The following ADD3 variants were observed in gnomAD, a reference collection of about 807,000 sequenced individuals.
ADD3 encodes adducin 3, also known as gamma-adducin.
In ADD3, 25 loss-of-function variants were observed where a neutral mutation model predicts 80.2. The ratio of observed to expected loss-of-function variants is 0.31; its 90% confidence interval spans 0.23 to 0.44. The LOEUF (loss-of-function observed/expected upper bound fraction) is 0.44, where lower values mean the gene tolerates loss of function less well. ADD3 is among the 20% of genes least tolerant of loss of function. The probability of loss-of-function intolerance (pLI) is 1.00; values close to 1 mark genes in which losing one functional copy is unlikely to be tolerated. For missense variants in ADD3, 829 were observed against 847.5 expected (o/e 0.98, Z 0.27); for synonymous variants, 284 against 289.6 (o/e 0.98, Z 0.20).
At chr10:110,031,860 T>G (rs1175271859) in intron 1 of ADD3, among the ~76,000 whole-genome samples, 1 of 152,160 alleles carries the variant, frequency 6.6e-6, no homozygotes, top group African/African-American at 2.4e-5. Context: ...ATATGATTTA[T>G]GAGAATGCAT....
chr10:110,121,457 T>G (rs994319782), intron 8 of ADD3, among the ~76,000 whole-genome samples: 1 of 152,006 alleles, frequency 6.6e-6, no homozygotes, highest in Non-Finnish European at 1.5e-5. Flanking sequence ...CACTCCAGCC[T>G]GGGCAACAAG....
At chr10:110,062,793 C>A (rs1859093045) in intron 1 of ADD3, among the ~76,000 whole-genome samples, 3 of 152,142 alleles carry the variant, frequency 2.0e-5, no homozygotes, top group Admixed American at 6.5e-5. Flanking sequence ...CACACTCTAC[C>A]AGATTCTTAA....
chr10:110,011,844 G>T (rs887938934), intron 1 of ADD3, among the ~76,000 whole-genome samples: 1 of 152,170 alleles, frequency 6.6e-6, no homozygotes. Context: ...AGTGTTTATA[G>T]GTGAGATTGT....
At chr10:109,997,618 C>T (rs1166252823) in intron 1 of ADD3, 1 of 152,222 alleles carries the variant, frequency 6.6e-6, no homozygotes, top group Non-Finnish European at 1.5e-5. Context: ...GATTCTTTCG[C>T]TGCTTTTCTC....
Position 110,081,100 on chromosome 10 carries a change from GGAGA to G in ADD3, c.-29-19519_-29-19516del, listed in dbSNP as rs550230246. On this transcript the variant is annotated intron_variant, in intron 1 of 14. Transcript: ENST00000356080. Reference sequence around the variant, plus strand: ...AGACATTTTCTTGGCCAATAAGGTAGGAGAGAGAGTTTGTATGTTTGTGTGGTGG... The same window carrying G: ...AGACATTTTCTTGGCCAATAAGGTAGGAGAGTTTGTATGTTTGTGTGGTGG... Among the ~76,000 whole-genome samples the G allele has an allele frequency of 3.6e-3, 542 of 152,272 alleles. 4 individuals carry two copies. Among genetic ancestry groups the G allele is most frequent in the Non-Finnish European group, 5.3e-3 (363 of 68,016 alleles).
At chr10:110,032,260 A>G (rs536651673) in intron 1 of ADD3, among the ~76,000 whole-genome samples, 49 of 152,326 alleles carry the variant, frequency 3.2e-4, no homozygotes, top group Non-Finnish European at 5.7e-4. Flanking sequence ...ACATTGTTGC[A>G]TTAAGAATGA....
At chr10:110,104,087 A>G (rs939298300) in intron 2 of ADD3, among the ~76,000 whole-genome samples, 27 of 152,214 alleles carry the variant, frequency 1.8e-4, no homozygotes, top group African/African-American at 6.3e-4. Flanking sequence ...CTGTCAATCT[A>G]TTAACCTGTG....
chr10:110,106,031 A>C (rs980599043), intron 2 of ADD3: 2 of 152,170 alleles, frequency 1.3e-5, no homozygotes, highest in Non-Finnish European at 2.9e-5. Flanking sequence ...AAATGAGTAC[A>C]TTTCTTAATG....
intron 1 of ADD3, among the ~76,000 whole-genome samples, chr10:110,062,740 C>T (rs1270485766): frequency 2.0e-5 from 3 of 152,198 alleles, no homozygotes; most frequent in South Asian, 4.1e-4. Flanking sequence ...TCTTCAATAA[C>T]GTATCAGAAA....
chr10:110,086,576 C>G (rs924681990), intron 1 of ADD3, among the ~76,000 whole-genome samples: 2 of 152,146 alleles, frequency 1.3e-5, no homozygotes, highest in Non-Finnish European at 2.9e-5. Flanking sequence ...AGTGCTATCT[C>G]ATGATAGAGT....
rs762913932 is a variant in ADD3, at chr10:110,116,403, A to G, written c.479A>G (p.Tyr160Cys). The change falls in exon 4 of 15, where the codon TAT becomes TGT. Residue 160 changes from tyrosine (Y) to cysteine (C), a missense_variant. By Grantham distance (194) the Tyr-to-Cys change is radical (BLOSUM62 -2). Coordinates refer to ENST00000356080, the MANE Select transcript of ADD3 (RefSeq NM_016824.5). Reference protein sequence around the residue: ...LFGWAHLANTYISVRISKEQD... With the variant: ...LFGWAHLANTCISVRISKEQD... ...GGATGGGCACACCTGGCAAATACCT[A>G]TATCTCAGTGAGTTCTTCAGCTTTC... The G allele has an allele frequency of 1.1e-5, 17 of 1,613,798 alleles. 2 individuals carry two copies. In the South Asian group the frequency reaches 1.9e-4, roughly 18 times the overall value.
intron 1 of ADD3, chr10:110,016,603 T>TG (rs1388777409): frequency 1.3e-5 from 2 of 152,218 alleles, no homozygotes; most frequent in African/African-American, 4.8e-5. Flanking sequence ...AGCAAACAAA[T>TG]CATTTGCCTA....
intron 1 of ADD3, among the ~76,000 whole-genome samples, chr10:110,053,655 A>G (rs1857785276): frequency 6.6e-6 from 1 of 152,164 alleles, no homozygotes; most frequent in Admixed American, 6.5e-5. Context: ...CAGTAGTCTT[A>G]ATTTTCACTG....
intron 1 of ADD3, among the ~76,000 whole-genome samples, chr10:110,073,960 G>A (rs1845086568): frequency 6.6e-6 from 1 of 151,688 alleles, no homozygotes; most frequent in Non-Finnish European, 1.5e-5. Flanking sequence ...AGATGGAGAG[G>A]TTACTTTCCA....
chr10:110,029,242 A>G (rs1244871064), intron 1 of ADD3, among the ~76,000 whole-genome samples: 2 of 152,144 alleles, frequency 1.3e-5, no homozygotes, highest in African/African-American at 4.8e-5. Context: ...TAGACATTTT[A>G]TGTCTACTTT....
At chr10:110,089,991 T>G (rs1046248768) in intron 1 of ADD3, among the ~76,000 whole-genome samples, 2 of 152,118 alleles carry the variant, frequency 1.3e-5, no homozygotes, top group Non-Finnish European at 2.9e-5. Flanking sequence ...TACCAATGTC[T>G]AAGCAAGTAA....
chr10:110,043,822 A>G (rs1053901040), intron 1 of ADD3, among the ~76,000 whole-genome samples: 2 of 152,236 alleles, frequency 1.3e-5, no homozygotes, highest in Non-Finnish European at 2.9e-5. Flanking sequence ...TAACTACAGT[A>G]AAAAGTACAG....
chr10:110,050,900 G>A lies in ADD3; in HGVS notation c.-30+42601G>A, dbSNP rs187941207. 4.7e-3 allele frequency among the ~76,000 whole-genome samples: 713 copies of A among 152,252 alleles called. 10 individuals are homozygous for A. The highest frequency in any genetic ancestry group is 0.016 in the African/African-American group (659 of 41,544). ...TATTATATTGCTCTCAAATGTGTTT[G>A]GATGATGTGGAAAGTGAACCCTCTC... On this transcript the variant is annotated intron_variant, in intron 1 of 14. Transcript: ENST00000356080.
At position 110,130,399 on chromosome 10, in the gene ADD3, G is replaced by C. The variant is rs1564673609; in HGVS notation, c.1645G>C (p.Ala549Pro). Residue 549 changes from alanine (A) to proline (P), a missense_variant, in exon 13 of 15, where the codon GCT becomes CCT. Ala to Pro is a conservative substitution (Grantham distance 27). Coordinates refer to ENST00000356080, the MANE Select transcript of ADD3 (RefSeq NM_016824.5). ...TGAAGATGATGATCATGGCCCACCAGCTCCTCCTAACCCATTTAGTCATCT... is the reference window on the plus strand; with the variant it reads ...TGAAGATGATGATCATGGCCCACCACCTCCTCCTAACCCATTTAGTCATCT... ...QFEDDDHGPP[A>P]PPNPFSHLTE... 6.2e-7 allele frequency: 1 copy of C among 1,613,958 alleles called. No individual in the cohort carries two copies. The highest frequency in any genetic ancestry group is 1.1e-5 in the South Asian group (1 of 91,062).
Sources: gnomAD v4.1 joint callset for allele counts (sites outside exome capture counted in the v4.1 genomes callset) on GRCh38, gnomAD v4.1.1 for gene constraint, MANE v1.5 for transcripts, NCBI Gene and HGNC (gene_info 2026-07-23, HGNC 2026-07-21) for gene names.